MEI4: variants seen among roughly 807,000 people sequenced by gnomAD.
The protein encoded by MEI4 is meiosis-specific protein MEI4.
A neutral mutation model predicts 31.4 loss-of-function variants in MEI4; 27 were observed. That is an observed-to-expected ratio of 0.86 (90% CI 0.63 to 1.19). The LOEUF is 1.19. MEI4 is among the 50% of genes most tolerant of loss of function. The pLI, the probability that MEI4 is intolerant of heterozygous loss-of-function variation, is 0.00. For missense variants in MEI4, 329 were observed against 398.9 expected, an observed-to-expected ratio of 0.82 and a Z score of 1.49; for synonymous variants, 122 against 145.4, an observed-to-expected ratio of 0.84 and a Z score of 1.16.
At chr6:77,678,302 A>G (rs887587974) in intron 1 of MEI4, among the ~76,000 whole-genome samples, 3 of 152,206 alleles carry the variant, frequency 2.0e-5, no homozygotes, top group Non-Finnish European at 1.5e-5. Flanking sequence ...CCTGGCTGTG[A>G]TGTCAGCTTG....
At chr6:77,823,380 C>G (rs1562002706) in intron 3 of MEI4, among the ~76,000 whole-genome samples, 1 of 152,104 alleles carries the variant, frequency 6.6e-6, no homozygotes, top group Non-Finnish European at 1.5e-5. Context: ...TGGAGCTGCT[C>G]TGTTCTTAGA....
chr6:77,668,164 G>A (rs1768672813), intron 1 of MEI4, among the ~76,000 whole-genome samples: 1 of 152,102 alleles, frequency 6.6e-6, no homozygotes, highest in Admixed American at 6.5e-5. Flanking sequence ...CTCATTAGAG[G>A]GGCTGCCAGA....
intron 4 of MEI4, among the ~76,000 whole-genome samples, chr6:77,912,231 T>C (rs994323573): frequency 1.3e-5 from 2 of 152,136 alleles, no homozygotes; most frequent in East Asian, 1.9e-4. Context: ...TACTTAATCA[T>C]TGTAATATAT....
At chr6:77,789,580 A>G (rs1432465554) in intron 3 of MEI4, among the ~76,000 whole-genome samples, 1 of 152,240 alleles carries the variant, frequency 6.6e-6, no homozygotes, top group Non-Finnish European at 1.5e-5. Flanking sequence ...CAAACCCATC[A>G]AAAAGTGGGT....
chr6:77,906,755 C>A (rs377387882), intron 4 of MEI4, among the ~76,000 whole-genome samples: 2 of 152,090 alleles, frequency 1.3e-5, no homozygotes, highest in Non-Finnish European at 2.9e-5. Context: ...GGGCTTAGGG[C>A]ACAGGTGCAT....
chr6:77,877,029 G>A (rs1771357932), intron 4 of MEI4, among the ~76,000 whole-genome samples: 2 of 152,222 alleles, frequency 1.3e-5, no homozygotes, highest in South Asian at 4.1e-4. Context: ...TGCCTCTTGT[G>A]AGGCAGCTAC....
intron 4 of MEI4, among the ~76,000 whole-genome samples, chr6:77,874,227 C>T: frequency 6.6e-6 from 1 of 152,142 alleles, no homozygotes; most frequent in Non-Finnish European, 1.5e-5. Context: ...TTGATTCTTC[C>T]TACCCATGAG....
chr6:77,811,143 CA>C (rs1769566754), intron 3 of MEI4, among the ~76,000 whole-genome samples: 1 of 152,140 alleles, frequency 6.6e-6, no homozygotes, highest in Non-Finnish European at 1.5e-5. Context: ...TTTAAGGACA[CA>C]CATGTGTTTA....
At chr6:77,735,805 G>A (rs1767182910) in intron 2 of MEI4, among the ~76,000 whole-genome samples, 1 of 151,994 alleles carries the variant, frequency 6.6e-6, no homozygotes, top group Admixed American at 6.5e-5. Flanking sequence ...CGTACAGATG[G>A]GTTTTTGGTG....
chr6:77,807,958 C>A lies in MEI4; in HGVS notation c.769-20973C>A, dbSNP rs139578119. Among the ~76,000 whole-genome samples the A allele has an allele frequency of 2.7e-3, 410 of 152,242 alleles. 1 individual carries two copies. Among genetic ancestry groups the A allele is most frequent in the African/African-American group, 9.7e-3 (401 of 41,544 alleles). On this transcript the variant is annotated intron_variant, in intron 3 of 4. Coordinates refer to ENST00000684080, the MANE Select transcript of MEI4 (RefSeq NM_001322247.2). ...CATCTTTTTGAGGCCTAAATCAATA[C>A]CAAGGCTGTGAATACTATAACAGCA...
intron 3 of MEI4, among the ~76,000 whole-genome samples, chr6:77,799,311 A>T (rs954392134): frequency 1.7e-4 from 26 of 152,222 alleles, no homozygotes; most frequent in African/African-American, 6.0e-4. Context: ...GTGTCTGTTC[A>T]TGTCCTTCAC....
chr6:77,673,541 C>G (rs558581009), intron 1 of MEI4, among the ~76,000 whole-genome samples: 1 of 152,196 alleles, frequency 6.6e-6, no homozygotes, highest in South Asian at 2.1e-4. Flanking sequence ...GAGAACATAT[C>G]GACTTATGCA....
chr6:77,664,933 AG>A (rs1210594771), intron 1 of MEI4, among the ~76,000 whole-genome samples: 2 of 152,088 alleles, frequency 1.3e-5, no homozygotes, highest in Non-Finnish European at 2.9e-5. Flanking sequence ...GTTTTAGGTC[AG>A]GTGTGAGTTG....
chr6:77,744,016 A>T (rs1481300489), intron 2 of MEI4, among the ~76,000 whole-genome samples: 1 of 151,766 alleles, frequency 6.6e-6, no homozygotes, highest in Non-Finnish European at 1.5e-5. Flanking sequence ...ACAAAGACGG[A>T]GAAAAAACAG....
chr6:77,699,774 T>C (rs1333679897), intron 2 of MEI4, among the ~76,000 whole-genome samples: 1 of 152,176 alleles, frequency 6.6e-6, no homozygotes, highest in Non-Finnish European at 1.5e-5. Context: ...ATGTCGTTTC[T>C]GTCTGTTAGT....
At chr6:77,824,939 A>G (rs2127709921) in intron 3 of MEI4, among the ~76,000 whole-genome samples, 1 of 152,294 alleles carries the variant, frequency 6.6e-6, no homozygotes, top group South Asian at 2.1e-4. Flanking sequence ...ATCCATAGAC[A>G]GTCCTTCCAT....
At chr6:77,882,563 C>T (rs929191002) in intron 4 of MEI4, among the ~76,000 whole-genome samples, 1 of 152,052 alleles carries the variant, frequency 6.6e-6, no homozygotes, top group African/African-American at 2.4e-5. Context: ...GCATTTTGTC[C>T]TCTGACCTTC....
chr6:77,885,904 T>C (rs372786703), intron 4 of MEI4, among the ~76,000 whole-genome samples: 46 of 152,320 alleles, frequency 3.0e-4, no homozygotes, highest in African/African-American at 1.1e-3. Context: ...CAAATGCTTT[T>C]TCTGAATCTA....
chr6:77,870,790 A>C (rs1771171838), intron 4 of MEI4, among the ~76,000 whole-genome samples: 2 of 152,152 alleles, frequency 1.3e-5, no homozygotes, highest in Non-Finnish European at 2.9e-5. Context: ...TTCCAAAAGA[A>C]GCTTGTGTTT....
Sources: gnomAD v4.1 joint callset for allele counts (sites outside exome capture counted in the v4.1 genomes callset) on GRCh38, gnomAD v4.1.1 for gene constraint, MANE v1.5 for transcripts, NCBI Gene and HGNC (gene_info 2026-07-23, HGNC 2026-07-21) for gene names.